The following ST18 variants were observed in gnomAD, a reference collection of about 807,000 sequenced individuals.
The protein encoded by ST18 is suppression of tumorigenicity 18 protein.
In ST18, 50 loss-of-function variants were observed where a neutral mutation model predicts 110.0. The ratio of observed to expected loss-of-function variants is 0.45; its 90% CI spans 0.36 to 0.58. The LOEUF is 0.58. ST18 is among the 20% of genes least tolerant of loss of function. ST18 has a pLI of 0.00. For synonymous variants in ST18, 461 were observed against 452.4 expected (o/e 1.02, Z -0.24); for missense variants, 1,306 against 1,280.1 (o/e 1.02, Z -0.31).
chr8:52,281,208 A>G (rs2095370131), intron 2 of ST18, among the ~76,000 whole-genome samples: 1 of 152,174 alleles, frequency 6.6e-6, no homozygotes, highest in Admixed American at 6.5e-5. Flanking sequence ...AAGTGTATGT[A>G]TATTTTACAT....
intron 2 of ST18, among the ~76,000 whole-genome samples, chr8:52,359,239 C>A (rs1447211998): frequency 1.3e-5 from 2 of 152,002 alleles, no homozygotes; most frequent in African/African-American, 4.8e-5. Context: ...ACTGCCTCCA[C>A]GTGGTAAAAG....
intron 8 of ST18, among the ~76,000 whole-genome samples, chr8:52,208,774 C>T (rs2135840848): frequency 6.6e-6 from 1 of 152,160 alleles, no homozygotes; most frequent in Non-Finnish European, 1.5e-5. Flanking sequence ...GCCCAGATCG[C>T]GCCACTGCAC....
chr8:52,238,866 TGGGAGGA>T (rs1251402576), intron 2 of ST18, among the ~76,000 whole-genome samples: 6 of 73,926 alleles, frequency 8.1e-5, no homozygotes, highest in Admixed American at 3.8e-4. Flanking sequence ...GGGTGGGGGG[TGGGAGGA>T]GGGTGAGGGA....
chr8:52,147,579 C>T (rs1431389964), intron 16 of ST18, among the ~76,000 whole-genome samples: 1 of 152,030 alleles, frequency 6.6e-6, no homozygotes, highest in Admixed American at 6.6e-5. Flanking sequence ...TCGCCATAAT[C>T]ATAAGGATGA....
intron 2 of ST18, among the ~76,000 whole-genome samples, chr8:52,322,068 T>C (rs1589891572): frequency 1.3e-5 from 2 of 152,228 alleles, no homozygotes; most frequent in African/African-American, 4.8e-5. Context: ...AATGCTGCCT[T>C]CTTGGCACTG....
chr8:52,216,713 T>C (rs1184118104), intron 6 of ST18, among the ~76,000 whole-genome samples: 1 of 152,226 alleles, frequency 6.6e-6, no homozygotes, highest in Non-Finnish European at 1.5e-5. Flanking sequence ...TTTTGGTTTC[T>C]AGAACCTTGT....
intron 12 of ST18, among the ~76,000 whole-genome samples, chr8:52,164,629 C>A (rs1468219618): frequency 6.6e-6 from 1 of 152,190 alleles, no homozygotes; most frequent in Non-Finnish European, 1.5e-5. Flanking sequence ...TATTTATAGA[C>A]ACACAATACA....
chr8:52,120,500 G>C (rs2044280051), intron 23 of ST18, among the ~76,000 whole-genome samples: 1 of 152,188 alleles, frequency 6.6e-6, no homozygotes, highest in Middle Eastern at 3.2e-3. Context: ...AGACTTTCAA[G>C]ATCAGAAGGA....
At chr8:52,341,684 A>T (rs1691659965) in intron 2 of ST18, among the ~76,000 whole-genome samples, 1 of 152,256 alleles carries the variant, frequency 6.6e-6, no homozygotes, top group Non-Finnish European at 1.5e-5. Context: ...TGCTATAAGT[A>T]AGAGTTGGTG....
At chr8:52,333,767 C>A (rs1266232543) in intron 2 of ST18, among the ~76,000 whole-genome samples, 1 of 152,174 alleles carries the variant, frequency 6.6e-6, no homozygotes, top group African/African-American at 2.4e-5. Flanking sequence ...ATCTTTCAGT[C>A]CCAGGAAAGT....
intron 2 of ST18, among the ~76,000 whole-genome samples, chr8:52,261,035 G>T (rs2094677353): frequency 6.6e-6 from 1 of 152,142 alleles, no homozygotes; most frequent in Non-Finnish European, 1.5e-5. Flanking sequence ...TTTCAAAATG[G>T]CCCAAGCAAA....
At chr8:52,289,117 A>G (rs978870745) in intron 2 of ST18, among the ~76,000 whole-genome samples, 3 of 152,228 alleles carry the variant, frequency 2.0e-5, no homozygotes, top group Admixed American at 2.0e-4. Flanking sequence ...CAGGTCAGAA[A>G]GCATCTTAGA....
chr8:52,399,301 A>G (rs1294147647), intron 2 of ST18, among the ~76,000 whole-genome samples: 2 of 151,062 alleles, frequency 1.3e-5, no homozygotes, highest in Non-Finnish European at 3.0e-5. Context: ...TTCATTAGTG[A>G]TTTTATTTGT....
intron 2 of ST18, among the ~76,000 whole-genome samples, chr8:52,320,901 A>G (rs889442416): frequency 1.3e-5 from 2 of 152,198 alleles, no homozygotes; most frequent in African/African-American, 2.4e-5. Context: ...TGTTCATGTC[A>G]GTGGAAATTA....
At chr8:52,310,115 T>C (rs2095879264) in intron 2 of ST18, among the ~76,000 whole-genome samples, 1 of 152,208 alleles carries the variant, frequency 6.6e-6, no homozygotes, top group Admixed American at 6.5e-5. Flanking sequence ...TCTGTACCCA[T>C]GGCACTGCAA....
At chr8:52,125,630 T>A (rs2046731851) in intron 23 of ST18, among the ~76,000 whole-genome samples, 1 of 151,590 alleles carries the variant, frequency 6.6e-6, no homozygotes, top group Admixed American at 6.6e-5. Flanking sequence ...TAACTGGGAC[T>A]ACAGGTGTGC....
At chr8:52,169,754 C>G (rs558147469) in intron 10 of ST18, among the ~76,000 whole-genome samples, 1 of 152,152 alleles carries the variant, frequency 6.6e-6, no homozygotes, top group African/African-American at 2.4e-5. Flanking sequence ...CTAGACTAAG[C>G]CTGTGGCTCT....
intron 2 of ST18, among the ~76,000 whole-genome samples, chr8:52,267,227 G>C (rs1227593094): frequency 6.6e-6 from 1 of 151,956 alleles, no homozygotes; most frequent in African/African-American, 2.4e-5. Context: ...GGGAATGAGA[G>C]GCCATACTTT....
chr8:52,202,970 A>G (rs2078529875), intron 8 of ST18, among the ~76,000 whole-genome samples: 1 of 152,230 alleles, frequency 6.6e-6, no homozygotes, highest in Non-Finnish European at 1.5e-5. Flanking sequence ...TATCAAAGAT[A>G]AAGATGAACT....
Sources: gnomAD v4.1 joint callset for allele counts (sites outside exome capture counted in the v4.1 genomes callset) on GRCh38, gnomAD v4.1.1 for gene constraint, MANE v1.5 for transcripts, NCBI Gene and HGNC (gene_info 2026-07-23, HGNC 2026-07-21) for gene names.